MAN1A1: variants seen among roughly 807,000 people sequenced by gnomAD.
MAN1A1 encodes the protein mannosyl-oligosaccharide 1,2-alpha-mannosidase IA.
Under a neutral mutation model 70.8 loss-of-function variants are expected in MAN1A1, and 29 were observed. The ratio of observed to expected loss-of-function variants is 0.41; its 90% CI spans 0.31 to 0.56. The LOEUF (loss-of-function observed/expected upper bound fraction) is 0.56, where lower values mean the gene tolerates loss of function less well. MAN1A1 is among the 20% of genes least tolerant of loss of function. MAN1A1 has a pLI of 0.29. For synonymous variants in MAN1A1, 349 were observed against 330.1 expected (o/e 1.06, Z -0.62); for missense variants, 747 against 841.3 (o/e 0.89, Z 1.39).
chr6:119,281,512 T>C (rs1473829955), intron 5 of MAN1A1, among the ~76,000 whole-genome samples: 3 of 152,296 alleles, frequency 2.0e-5, no homozygotes, highest in East Asian at 1.9e-4. Flanking sequence ...AGAATCTCTT[T>C]TGCCACCACT....
At chr6:119,267,143 T>C (rs1324577306) in intron 5 of MAN1A1, among the ~76,000 whole-genome samples, 1 of 152,212 alleles carries the variant, frequency 6.6e-6, no homozygotes, top group Admixed American at 6.5e-5. Context: ...CAGGTGGAAA[T>C]GCAAAATAGT....
At chr6:119,249,373 A>G (rs1045031576) in intron 5 of MAN1A1, among the ~76,000 whole-genome samples, 3 of 152,220 alleles carry the variant, frequency 2.0e-5, no homozygotes, top group African/African-American at 7.2e-5. Flanking sequence ...AAGATTAATT[A>G]GATGAGGCCC....
At chr6:119,250,268 G>A (rs1775281544) in intron 5 of MAN1A1, among the ~76,000 whole-genome samples, 1 of 152,050 alleles carries the variant, frequency 6.6e-6, no homozygotes, top group African/African-American at 2.4e-5. Flanking sequence ...ACATAAGATC[G>A]AAGTCAAACC....
At chr6:119,265,415 T>C (rs548014557) in intron 5 of MAN1A1, among the ~76,000 whole-genome samples, 3 of 152,250 alleles carry the variant, frequency 2.0e-5, no homozygotes, top group Non-Finnish European at 2.9e-5. Context: ...AAATTCTTAA[T>C]AGGGAAATCA....
chr6:119,241,800 A>G (rs1775010023), intron 6 of MAN1A1, among the ~76,000 whole-genome samples: 1 of 152,158 alleles, frequency 6.6e-6, no homozygotes. Context: ...CTAGCTGAAT[A>G]TTAGAATGTC....
At chr6:119,336,587 T>C (rs964999691) in intron 2 of MAN1A1, among the ~76,000 whole-genome samples, 1 of 152,228 alleles carries the variant, frequency 6.6e-6, no homozygotes, top group East Asian at 1.9e-4. Flanking sequence ...ATTATTTATA[T>C]GACACAGCAC....
chr6:119,274,176 G>C (rs1775994689), intron 5 of MAN1A1, among the ~76,000 whole-genome samples: 1 of 152,122 alleles, frequency 6.6e-6, no homozygotes, highest in Admixed American at 6.5e-5. Context: ...ACATAATTAA[G>C]AGAAAACATA....
intron 4 of MAN1A1, among the ~76,000 whole-genome samples, chr6:119,297,176 A>G (rs909775551): frequency 6.6e-6 from 1 of 152,184 alleles, no homozygotes; most frequent in Non-Finnish European, 1.5e-5. Flanking sequence ...TCTTCCTGTT[A>G]TCAGGGGCCA....
intron 6 of MAN1A1, among the ~76,000 whole-genome samples, chr6:119,238,919 G>C (rs927396963): frequency 3.3e-5 from 5 of 151,914 alleles, no homozygotes; most frequent in African/African-American, 1.2e-4. Flanking sequence ...GAGACGGAGT[G>C]TTGTTCTGTC....
intron 6 of MAN1A1, among the ~76,000 whole-genome samples, chr6:119,216,071 ACAGT>A (rs1774192640): frequency 6.6e-6 from 1 of 152,164 alleles, no homozygotes; most frequent in Non-Finnish European, 1.5e-5. Flanking sequence ...GGTGTAGCTG[ACAGT>A]CAGTGAGGGG....
intron 2 of MAN1A1, among the ~76,000 whole-genome samples, chr6:119,341,014 C>T (rs191009735): frequency 1.2e-4 from 19 of 152,292 alleles, no homozygotes; most frequent in Admixed American, 3.3e-4. Context: ...GATACGTGTA[C>T]TTTTCAATTT....
At chr6:119,232,044 C>T (rs371807587) in intron 6 of MAN1A1, among the ~76,000 whole-genome samples, 7 of 151,950 alleles carry the variant, frequency 4.6e-5, no homozygotes, top group Non-Finnish European at 7.4e-5. Context: ...CTGGTAGGTA[C>T]GTAGAATTCA....
intron 2 of MAN1A1, among the ~76,000 whole-genome samples, chr6:119,307,361 T>C (rs1471643457): frequency 2.0e-5 from 3 of 152,204 alleles, no homozygotes; most frequent in Non-Finnish European, 4.4e-5. Context: ...CTGCAAAGAC[T>C]ATCTTTAAAA....
intron 6 of MAN1A1, among the ~76,000 whole-genome samples, chr6:119,247,088 G>T (rs902166939): frequency 6.6e-6 from 1 of 151,890 alleles, no homozygotes; most frequent in Non-Finnish European, 1.5e-5. Flanking sequence ...ATTTGTTAAA[G>T]GAAAAATAAA....
At chr6:119,347,460 T>C (rs765681485) in intron 2 of MAN1A1, among the ~76,000 whole-genome samples, 2 of 152,224 alleles carry the variant, frequency 1.3e-5, no homozygotes, top group Non-Finnish European at 2.9e-5. Flanking sequence ...TGGAATGACA[T>C]GCTTTTAATG....
chr6:119,344,678 G>C (rs2114513300), intron 2 of MAN1A1, among the ~76,000 whole-genome samples: 1 of 152,328 alleles, frequency 6.6e-6, no homozygotes, highest in African/African-American at 2.4e-5. Context: ...CAAAATAAAA[G>C]TGTTTTGTTT....
chr6:119,343,428 T>C (rs1470823173), intron 2 of MAN1A1, among the ~76,000 whole-genome samples: 4 of 152,178 alleles, frequency 2.6e-5, no homozygotes, highest in Admixed American at 2.6e-4. Flanking sequence ...GAGCTACCTC[T>C]CAGATCTCAT....
At chr6:119,251,157 T>G (rs1436238984) in intron 5 of MAN1A1, among the ~76,000 whole-genome samples, 1 of 152,240 alleles carries the variant, frequency 6.6e-6, no homozygotes, top group Non-Finnish European at 1.5e-5. Context: ...GCTTGTTTCC[T>G]TATTTCCATT....
chr6:119,332,802 A>G, intron 2 of MAN1A1, among the ~76,000 whole-genome samples: 1 of 150,680 alleles, frequency 6.6e-6, no homozygotes, highest in East Asian at 1.9e-4. Flanking sequence ...AAAAAAAAAA[A>G]GCCAATTGAG....
Sources: gnomAD v4.1 joint callset for allele counts (sites outside exome capture counted in the v4.1 genomes callset) on GRCh38, gnomAD v4.1.1 for gene constraint, MANE v1.5 for transcripts, NCBI Gene and HGNC (gene_info 2026-07-23, HGNC 2026-07-21) for gene names.